The following TSPAN5 variants were observed in gnomAD, a reference collection of about 807,000 sequenced individuals.
TSPAN5 encodes tetraspanin-5.
In TSPAN5, 10 loss-of-function variants were observed where a neutral mutation model predicts 37.1. That is an observed-to-expected ratio of 0.27 (90% CI 0.17 to 0.46). TSPAN5 has a LOEUF of 0.46. TSPAN5 is among the 20% of genes least tolerant of loss of function. The pLI is 1.00. For missense variants in TSPAN5, 195 were observed against 326.6 expected (o/e 0.60, Z 3.11); for synonymous variants, 110 against 118.9 (o/e 0.93, Z 0.48).
intron 1 of TSPAN5, among the ~76,000 whole-genome samples, chr4:98,578,424 A>T (rs1452834136): frequency 1.3e-5 from 2 of 152,056 alleles, no homozygotes; most frequent in Non-Finnish European, 2.9e-5. Flanking sequence ...AGTATTTATT[A>T]GTATTTATTT....
chr4:98,644,221 C>T (rs530220790), intron 1 of TSPAN5, among the ~76,000 whole-genome samples: 1 of 151,886 alleles, frequency 6.6e-6, no homozygotes, highest in Admixed American at 6.6e-5. Context: ...GGGGAAAGGC[C>T]GGTAAAGTCG....
intron 1 of TSPAN5, among the ~76,000 whole-genome samples, chr4:98,545,894 C>T (rs1205893530): frequency 6.6e-6 from 1 of 152,122 alleles, no homozygotes; most frequent in African/African-American, 2.4e-5. Flanking sequence ...TGTAATCCAA[C>T]TGGAGATACA....
intron 1 of TSPAN5, among the ~76,000 whole-genome samples, chr4:98,611,897 G>C (rs1756204120): frequency 6.6e-6 from 1 of 152,374 alleles, no homozygotes; most frequent in South Asian, 2.1e-4. Flanking sequence ...AGGGTGGCGA[G>C]TGGGCTGCAT....
chr4:98,651,582 G>T (rs1013668625), intron 1 of TSPAN5, among the ~76,000 whole-genome samples: 1 of 152,240 alleles, frequency 6.6e-6, no homozygotes, highest in Non-Finnish European at 1.5e-5. Context: ...GTCTCAAACA[G>T]GATAAAAACA....
At chr4:98,619,730 T>C (rs1279892305) in intron 1 of TSPAN5, among the ~76,000 whole-genome samples, 1 of 152,172 alleles carries the variant, frequency 6.6e-6, no homozygotes, top group African/African-American at 2.4e-5. Flanking sequence ...CTATAAACTG[T>C]GTAACTTATA....
At chr4:98,560,566 C>T (rs1411151532) in intron 1 of TSPAN5, among the ~76,000 whole-genome samples, 2 of 152,160 alleles carry the variant, frequency 1.3e-5, no homozygotes, top group South Asian at 2.1e-4. Flanking sequence ...CATGAGGCTC[C>T]GCTCAGCAAA....
chr4:98,510,047 T>A, intron 1 of TSPAN5: 1 of 152,196 alleles, frequency 6.6e-6, no homozygotes, highest in African/African-American at 2.4e-5. Context: ...CGAAGGCCTC[T>A]GCTTGATCGC....
chr4:98,524,996 TGTTA>T (rs1167807015), intron 1 of TSPAN5, among the ~76,000 whole-genome samples: 3 of 152,244 alleles, frequency 2.0e-5, no homozygotes, highest in African/African-American at 4.8e-5. Flanking sequence ...TGGCCAGGTC[TGTTA>T]GTTTACGTAG....
At chr4:98,569,534 C>G (rs750021231) in intron 1 of TSPAN5, among the ~76,000 whole-genome samples, 4 of 152,124 alleles carry the variant, frequency 2.6e-5, no homozygotes, top group Non-Finnish European at 5.9e-5. Context: ...TGGGGGTGCT[C>G]GTGTCAGCAA....
intron 1 of TSPAN5, among the ~76,000 whole-genome samples, chr4:98,556,802 G>A (rs1176285134): frequency 1.3e-5 from 2 of 152,082 alleles, no homozygotes; most frequent in Non-Finnish European, 2.9e-5. Context: ...GGGACTACTG[G>A]GCTGGGTCTT....
At chr4:98,538,252 G>A (rs1482286782) in intron 1 of TSPAN5, among the ~76,000 whole-genome samples, 1 of 152,254 alleles carries the variant, frequency 6.6e-6, no homozygotes, top group Non-Finnish European at 1.5e-5. Flanking sequence ...CATAGCCAAA[G>A]AGCAAAGCAG....
Position 98,486,815 on chromosome 4 carries a change from C to A in TSPAN5, c.202G>T (p.Val68Leu). The change falls in exon 3 of 8, where the codon GTG becomes TTG. Residue 68 changes from valine to leucine, a missense_variant. Physicochemically the swap from Val to Leu is conservative, Grantham distance 32. Transcript: ENST00000305798. ...CCCAAAATGAACATCACTCCTCCCA[C>A]CACAAGGAAGAGCCAAACTGGGTCA... ...GFDPVWLFLV[V>L]GGVMFILGFA... is the part of the protein sequence containing the mutation. The A allele has an allele frequency of 6.2e-7, 1 of 1,614,100 alleles. No individual in the cohort carries two copies. The highest frequency in any genetic ancestry group is 8.5e-7 in the Non-Finnish European group (1 of 1,180,018).
chr4:98,630,208 A>C (rs1756709193), intron 1 of TSPAN5, among the ~76,000 whole-genome samples: 1 of 152,278 alleles, frequency 6.6e-6, no homozygotes, highest in South Asian at 2.1e-4. Flanking sequence ...AGGGTGCTCA[A>C]AGTGAACAAG....
At chr4:98,600,559 A>G (rs983383409) in intron 1 of TSPAN5, among the ~76,000 whole-genome samples, 9 of 152,208 alleles carry the variant, frequency 5.9e-5, no homozygotes, top group African/African-American at 1.9e-4. Flanking sequence ...TTGTTCCTCC[A>G]TAAGATGCAA....
chr4:98,581,994 C>T (rs1004417934), intron 1 of TSPAN5, among the ~76,000 whole-genome samples: 2 of 152,080 alleles, frequency 1.3e-5, no homozygotes, highest in African/African-American at 2.4e-5. Flanking sequence ...AAGTGGCCAC[C>T]CCAGAGATCT....
At chr4:98,595,421 G>A (rs1483206986) in intron 1 of TSPAN5, among the ~76,000 whole-genome samples, 1 of 114,166 alleles carries the variant, frequency 8.8e-6, no homozygotes, top group Non-Finnish European at 1.7e-5. Context: ...AGGGTTTTTT[G>A]TGTCTCTATT....
At chr4:98,613,129 G>T (rs1047783785) in intron 1 of TSPAN5, among the ~76,000 whole-genome samples, 1 of 133,446 alleles carries the variant, frequency 7.5e-6, no homozygotes, top group Admixed American at 7.8e-5. Flanking sequence ...TGGGTTGAGG[G>T]CAAAACCTTT....
At chr4:98,553,057 A>C (rs544606196) in intron 1 of TSPAN5, among the ~76,000 whole-genome samples, 65 of 152,354 alleles carry the variant, frequency 4.3e-4, no homozygotes, top group African/African-American at 1.6e-3. Context: ...CCATGATGCT[A>C]GCCAACAATG....
intron 1 of TSPAN5, among the ~76,000 whole-genome samples, chr4:98,510,804 C>T (rs1753586249): frequency 6.6e-6 from 1 of 152,216 alleles, no homozygotes; most frequent in Non-Finnish European, 1.5e-5. Context: ...GCAAGTGGTG[C>T]AAGCCTGGGC....
Sources: allele counts gnomAD v4.1 joint callset (sites outside exome capture counted in the v4.1 genomes callset), GRCh38; gene constraint gnomAD v4.1.1; transcripts MANE v1.5; gene names NCBI Gene and HGNC (gene_info 2026-07-23, HGNC 2026-07-21).